LRRTM4: variants seen among roughly 807,000 people sequenced by gnomAD.
LRRTM4 encodes leucine rich repeat transmembrane neuronal 4.
A neutral mutation model predicts 47.6 loss-of-function variants in LRRTM4; 25 were observed. The observed-to-expected ratio is 0.53, with a 90% CI of 0.38 to 0.73. LRRTM4 has a LOEUF of 0.73. LRRTM4 is among the 30% of genes least tolerant of loss of function. LRRTM4 has a pLI of 0.00. For missense variants in LRRTM4, 638 were observed against 713.4 expected (o/e 0.89, Z 1.20); for synonymous variants, 311 against 269.5 (o/e 1.15, Z -1.51).
intron 3 of LRRTM4, among the ~76,000 whole-genome samples, chr2:77,436,092 G>C (rs1922808): frequency 6.6e-6 from 1 of 151,926 alleles, no homozygotes; most frequent in Non-Finnish European, 1.5e-5. Flanking sequence ...AGTTCAAACA[G>C]AGTAGAGTGT....
At chr2:77,105,198 C>G (rs952426224) in intron 3 of LRRTM4, among the ~76,000 whole-genome samples, 4 of 151,970 alleles carry the variant, frequency 2.6e-5, no homozygotes, top group African/African-American at 4.8e-5. Context: ...CAACAACAAA[C>G]CTTTAAAATG....
At chr2:77,339,653 T>A (rs571119786) in intron 3 of LRRTM4, among the ~76,000 whole-genome samples, 4 of 151,948 alleles carry the variant, frequency 2.6e-5, no homozygotes, top group African/African-American at 4.8e-5. Flanking sequence ...AGTCCTTAAA[T>A]CCCCCGACTG....
intron 3 of LRRTM4, among the ~76,000 whole-genome samples, chr2:77,433,916 T>C (rs1186693449): frequency 6.6e-6 from 1 of 152,162 alleles, no homozygotes; most frequent in Non-Finnish European, 1.5e-5. Context: ...CTGTCTTGCA[T>C]TTTAACCCAT....
intron 3 of LRRTM4, among the ~76,000 whole-genome samples, chr2:77,096,829 AAT>A (rs1446627125): frequency 1.7e-4 from 26 of 151,796 alleles, no homozygotes; most frequent in African/African-American, 6.0e-4. Flanking sequence ...AATCAGGAGA[AAT>A]AGAGTGTCCA....
intron 3 of LRRTM4, among the ~76,000 whole-genome samples, chr2:77,332,588 C>G (rs937766771): frequency 6.6e-6 from 1 of 152,114 alleles, no homozygotes; most frequent in Non-Finnish European, 1.5e-5. Context: ...CCTTGCTAAT[C>G]ATATTTATTT....
intron 3 of LRRTM4, among the ~76,000 whole-genome samples, chr2:77,228,658 C>G (rs906855227): frequency 2.6e-5 from 4 of 152,190 alleles, no homozygotes; most frequent in Non-Finnish European, 4.4e-5. Context: ...TACTTCCAAC[C>G]ATTAAAGCTG....
intron 3 of LRRTM4, among the ~76,000 whole-genome samples, chr2:76,844,981 A>T (rs1389412704): frequency 1.3e-5 from 2 of 152,176 alleles, no homozygotes; most frequent in South Asian, 2.1e-4. Flanking sequence ...GCAGGATTGC[A>T]AATATGAATT....
chr2:77,021,518 A>G (rs1440859342), intron 3 of LRRTM4, among the ~76,000 whole-genome samples: 1 of 152,196 alleles, frequency 6.6e-6, no homozygotes, highest in Admixed American at 6.5e-5. Flanking sequence ...CAAAAACGTG[A>G]TAAGTGATTA....
chr2:76,898,818 T>C (rs1673515563), intron 3 of LRRTM4, among the ~76,000 whole-genome samples: 1 of 151,070 alleles, frequency 6.6e-6, no homozygotes, highest in African/African-American at 2.4e-5. Flanking sequence ...TTATATTTTA[T>C]ATATACTGAC....
chr2:76,932,743 C>G (rs898587333), intron 3 of LRRTM4, among the ~76,000 whole-genome samples: 1 of 151,874 alleles, frequency 6.6e-6, no homozygotes, highest in African/African-American at 2.4e-5. Flanking sequence ...TGTGTTCTCT[C>G]TATATATACA....
chr2:76,975,235 GCT>G (rs1233545052), intron 3 of LRRTM4, among the ~76,000 whole-genome samples: 1 of 151,642 alleles, frequency 6.6e-6, no homozygotes, highest in African/African-American at 2.4e-5. Context: ...ACTAGATAGT[GCT>G]CTGTTTTTGC....
At chr2:77,027,666 G>A (rs1340629453) in intron 3 of LRRTM4, among the ~76,000 whole-genome samples, 2 of 152,196 alleles carry the variant, frequency 1.3e-5, no homozygotes, top group Non-Finnish European at 2.9e-5. Context: ...ACTGTAGTTA[G>A]TAGTGAATTG....
intron 3 of LRRTM4, among the ~76,000 whole-genome samples, chr2:77,513,021 T>C (rs1369096863): frequency 6.6e-6 from 1 of 152,186 alleles, no homozygotes; most frequent in Non-Finnish European, 1.5e-5. Context: ...TATTCACAAA[T>C]AGATTTTAAT....
intron 3 of LRRTM4, among the ~76,000 whole-genome samples, chr2:76,979,515 A>G (rs1350910961): frequency 6.8e-6 from 1 of 147,254 alleles, no homozygotes; most frequent in African/African-American, 2.6e-5. Context: ...ATGCATATCT[A>G]ATTCAGACTG....
chr2:76,779,161 G>T (rs1420695903), intron 3 of LRRTM4, among the ~76,000 whole-genome samples: 1 of 152,034 alleles, frequency 6.6e-6, no homozygotes, highest in Non-Finnish European at 1.5e-5. Context: ...TACATTTGCT[G>T]AGGAGAGCTT....
intron 3 of LRRTM4, among the ~76,000 whole-genome samples, chr2:77,032,303 G>A (rs1678687975): frequency 6.6e-6 from 1 of 152,032 alleles, no homozygotes; most frequent in East Asian, 1.9e-4. Context: ...TATCAGAGAG[G>A]TTAGTCTAAT....
intron 3 of LRRTM4, among the ~76,000 whole-genome samples, chr2:77,397,200 G>T (rs1673738417): frequency 6.6e-6 from 1 of 151,830 alleles, no homozygotes; most frequent in South Asian, 2.1e-4. Context: ...TTGCATAATA[G>T]AAATTTGCAG....
At chr2:76,884,780 G>C (rs571244464) in intron 3 of LRRTM4, among the ~76,000 whole-genome samples, 1 of 151,234 alleles carries the variant, frequency 6.6e-6, no homozygotes, top group African/African-American at 2.4e-5. Context: ...ACTTCTTAAC[G>C]TCTGTTGTAA....
chr2:77,456,313 A>G (rs937985390), intron 3 of LRRTM4, among the ~76,000 whole-genome samples: 25 of 152,156 alleles, frequency 1.6e-4, no homozygotes, highest in Non-Finnish European at 3.7e-4. Context: ...TTTTCTAATA[A>G]TTCAAAGAAA....
Sources: allele counts gnomAD v4.1 joint callset (sites outside exome capture counted in the v4.1 genomes callset), GRCh38; gene constraint gnomAD v4.1.1; transcripts MANE v1.5; gene names NCBI Gene and HGNC (gene_info 2026-07-23, HGNC 2026-07-21).